The following ARMC3 variants were observed in gnomAD, a reference collection of about 807,000 sequenced individuals.
ARMC3 encodes the protein armadillo repeat containing 3, also known as armadillo repeat-containing protein 3.
In ARMC3, 74 loss-of-function variants were observed where a neutral mutation model predicts 90.3. The observed-to-expected ratio is 0.82, with a 90% CI of 0.68 to 0.99. ARMC3 has a LOEUF of 0.99. Among genes scored for constraint, ARMC3 ranks in the 50% least tolerant of loss-of-function variants. The pLI is 0.00. For synonymous variants in ARMC3, 334 were observed against 361.8 expected (o/e 0.92, Z 0.87); for missense variants, 958 against 1,042.8 (o/e 0.92, Z 1.12).
At chr10:23,003,175 G>T in intron 12 of ARMC3, 71 bp from the exon 13 acceptor site, 2 of 1,370,218 alleles carry the variant, frequency 1.5e-6, no homozygotes, top group East Asian at 2.4e-5. Context: ...ATCTGAAGTC[G>T]GTATATAAGT....
intron 18 of ARMC3, among the ~76,000 whole-genome samples, 166 bp downstream of exon 18, chr10:23,033,189 A>G (rs745611260): frequency 1.8e-5 from 2 of 110,540 alleles, no homozygotes; most frequent in Non-Finnish European, 4.1e-5. Context: ...AAGCATACAC[A>G]TATATATATA....
At chr10:22,968,101 GA>G (rs1436759793) in intron 7 of ARMC3, among the ~76,000 whole-genome samples, 1 of 152,082 alleles carries the variant, frequency 6.6e-6, no homozygotes, top group Non-Finnish European at 1.5e-5. Context: ...AAACATTTTG[GA>G]GTAAGGGAAA....
At chr10:23,017,558 A>G (rs1838333448) in intron 16 of ARMC3, among the ~76,000 whole-genome samples, 1 of 152,230 alleles carries the variant, frequency 6.6e-6, no homozygotes, top group Non-Finnish European at 1.5e-5. Context: ...TGAGGTCAGG[A>G]GTTTGAGACC....
chr10:22,960,095 C>A (rs1588845590), intron 6 of ARMC3: 1 of 306,256 alleles, frequency 3.3e-6, no homozygotes, highest in Non-Finnish European at 6.3e-6. Context: ...AAACTGCCAA[C>A]CTTCCCCTCC....
chr10:23,020,126 TTTG>T (rs1325423303), intron 16 of ARMC3, among the ~76,000 whole-genome samples: 1 of 145,828 alleles, frequency 6.9e-6, no homozygotes, highest in African/African-American at 2.7e-5. Context: ...TTTGTTTTGT[TTTG>T]TTTTGTTTTG....
At chr10:22,938,633 T>G (rs1001635503) in intron 2 of ARMC3, among the ~76,000 whole-genome samples, 1 of 152,050 alleles carries the variant, frequency 6.6e-6, no homozygotes. Flanking sequence ...GATGTGCTGA[T>G]GGGTAGGACG....
At chr10:23,035,678 T>TC (rs1839101025) in intron 18 of ARMC3, among the ~76,000 whole-genome samples, 1 of 151,992 alleles carries the variant, frequency 6.6e-6, no homozygotes, top group Non-Finnish European at 1.5e-5. Context: ...TTCCCTCTCC[T>TC]CCCATCCTTC....
intron 8 of ARMC3, among the ~76,000 whole-genome samples, chr10:22,969,701 C>T (rs1835598838): frequency 6.6e-6 from 1 of 152,214 alleles, no homozygotes. Context: ...GTTCTCTCTT[C>T]CTTCTATCCT....
chr10:22,959,490 A>C lies in ARMC3; in HGVS notation c.453A>C (p.Gly151=). ...TSKVQIFEHG[G]LEPLIRLLSS... Reference sequence around the variant, plus strand: ...AAGTGCAAATATTTGAACATGGGGGATTAGAGCCACTCATCAGACTACTGA... The same window carrying C: ...AAGTGCAAATATTTGAACATGGGGGCTTAGAGCCACTCATCAGACTACTGA... Residue 151 remains glycine (G), a synonymous_variant, in exon 6 of 19, where the codon GGA becomes GGC. Coordinates refer to ENST00000298032, the MANE Select transcript of ARMC3 (RefSeq NM_173081.5). The C allele has an allele frequency of 6.2e-7, 1 of 1,614,056 alleles. No homozygotes were observed. The highest frequency in any genetic ancestry group is 8.5e-7 in the Non-Finnish European group (1 of 1,179,974).
At chr10:22,972,320 T>C (rs573867698) in intron 8 of ARMC3, among the ~76,000 whole-genome samples, 111 of 152,316 alleles carry the variant, frequency 7.3e-4, no homozygotes, top group Non-Finnish European at 3.2e-4. Context: ...GTAGCTCTTA[T>C]ATTTAGGTCT....
At chr10:23,012,463 G>A (rs1230577142) in intron 16 of ARMC3, among the ~76,000 whole-genome samples, 1 of 152,044 alleles carries the variant, frequency 6.6e-6, no homozygotes, top group Non-Finnish European at 1.5e-5. Flanking sequence ...CTTCTCTTGA[G>A]TCCAGACCTG....
intron 15 of ARMC3, 21 bp from the exon 16 acceptor site, chr10:23,008,794 G>A (rs1386480080): frequency 1.9e-6 from 3 of 1,581,624 alleles, no homozygotes; most frequent in Middle Eastern, 1.7e-4. Flanking sequence ...AATTGGTTGT[G>A]GTTTTTTTTC....
intron 16 of ARMC3, among the ~76,000 whole-genome samples, chr10:23,009,988 G>A (rs914152772): frequency 6.6e-6 from 1 of 152,052 alleles, no homozygotes; most frequent in African/African-American, 2.4e-5. Context: ...CGTACGCAGT[G>A]GTTTGCCCTC....
chr10:22,974,616 C>T (rs1015910977), intron 8 of ARMC3, among the ~76,000 whole-genome samples: 16 of 149,904 alleles, frequency 1.1e-4, no homozygotes, highest in African/African-American at 3.5e-4. Context: ...TATAGATTCC[C>T]CTCTCTAAAA....
At chr10:22,952,223 CA>C (rs1203694071) in intron 3 of ARMC3, among the ~76,000 whole-genome samples, 1 of 151,492 alleles carries the variant, frequency 6.6e-6, no homozygotes, top group Non-Finnish European at 1.5e-5. Flanking sequence ...AAATAGAAAA[CA>C]AAAAAATTGA....
In ARMC3 at chr10:22,981,424, T is replaced by C; in HGVS notation, c.1001T>C (p.Ile334Thr). Reference protein sequence around the residue: ...LLGSENDGTKIAASQAISAMC... With the variant: ...LLGSENDGTKTAASQAISAMC... ...GGTTCTGAAAATGATGGAACTAAAA[T>C]TGCTGCTTCCCAAGCTATTTCAGCA... Residue 334 changes from isoleucine to threonine, a missense_variant, in exon 9 of 19, where the codon ATT (isoleucine) becomes ACT (threonine). Physicochemically the swap from Ile to Thr is moderately conservative, Grantham distance 89. Transcript: ENST00000298032. 1 of 1,614,084 alleles carries C rather than the reference T, an allele frequency of 6.2e-7. No homozygotes were observed.
intron 10 of ARMC3, among the ~76,000 whole-genome samples, chr10:22,996,984 C>T (rs987766151): frequency 1.3e-5 from 2 of 151,276 alleles, no homozygotes; most frequent in African/African-American, 4.9e-5. Flanking sequence ...GTGTCAAAAA[C>T]TTAGATGTTC....
intron 13 of ARMC3, among the ~76,000 whole-genome samples, chr10:23,005,625 G>T (rs1444023688): frequency 2.0e-5 from 3 of 152,218 alleles, no homozygotes; most frequent in Non-Finnish European, 4.4e-5. Flanking sequence ...AGCACTTTGG[G>T]AGGCCGAGGC....
At chr10:23,031,697 C>T (rs1007002327) in intron 17 of ARMC3, among the ~76,000 whole-genome samples, 1 of 152,112 alleles carries the variant, frequency 6.6e-6, no homozygotes, top group Non-Finnish European at 1.5e-5. Flanking sequence ...TCTCTTCATG[C>T]TTTGTTCCTA....
Sources: gnomAD v4.1 joint callset for allele counts (sites outside exome capture counted in the v4.1 genomes callset) on GRCh38, gnomAD v4.1.1 for gene constraint, MANE v1.5 for transcripts, NCBI Gene and HGNC (gene_info 2026-07-23, HGNC 2026-07-21) for gene names.